The following DUSP28 variants were observed in gnomAD, a reference collection of about 807,000 sequenced individuals.
DUSP28 encodes the protein dual specificity phosphatase 28.
Under a neutral mutation model 8.4 loss-of-function variants are expected in DUSP28, and 11 were observed. The ratio of observed to expected loss-of-function variants is 1.31; its 90% CI spans 0.83 to 2.17. DUSP28 has a LOEUF of 2.17. Among genes scored for constraint, DUSP28 ranks in the 30% most tolerant of loss-of-function variants. DUSP28 has a pLI of 0.00. For synonymous variants in DUSP28, 178 were observed against 130.9 expected (o/e 1.36, Z -2.46); for missense variants, 373 against 270.4 (o/e 1.38, Z -2.66).
rs113245339 is a variant in DUSP28 at position 240,560,549 on chromosome 2, T to C, written c.-136T>C. Reference sequence around the variant, plus strand: ...CCCGCGGGGGACCCAAGCCCCAGCCTGGTCCACCTCGGAGGCCTCTAGGAC... The same window carrying C: ...CCCGCGGGGGACCCAAGCCCCAGCCCGGTCCACCTCGGAGGCCTCTAGGAC... On this transcript the variant is annotated 5_prime_UTR_variant, in exon 1 of 2. Transcript: ENST00000405954. 36 of 1,229,344 alleles carry C rather than the reference T, an allele frequency of 2.9e-5. No homozygotes were observed. The African/African-American group carries it at 4.0e-4, about 14-fold the overall frequency. 76.2% of individuals were successfully genotyped at this position (1,229,344 alleles called of 1,614,324 possible).
intron 1 of DUSP28, 73 bp downstream of exon 1, chr2:240,561,150 C>T (rs920653506): frequency 3.4e-6 from 5 of 1,458,570 alleles, no homozygotes; most frequent in East Asian, 2.5e-5. Flanking sequence ...CGGGCGGGGC[C>T]GGCTTCGGGA....
upstream of DUSP28, chr2:240,560,315 AGACG>A (rs1033258059): frequency 1.7e-5 from 3 of 175,532 alleles, no homozygotes; most frequent in Non-Finnish European, 3.6e-5. Flanking sequence ...CCTCCGCGCC[AGACG>A]CCGCAGTAGA....
Position 240,564,877 on chromosome 2 carries a change from A to C in DUSP28, c.*3410A>C, listed in dbSNP as rs1410195428. The stretch of plus-strand genomic sequence containing the variant: ...AGACGGCCTGGTGAGGGAACCCGGG[A>C]GGCCTCCAGCATCTGCACCCCTCTC... On this transcript the variant is annotated 3_prime_UTR_variant, in exon 2 of 2. Transcript: ENST00000405954. 6.6e-6 allele frequency among the ~76,000 whole-genome samples: 1 copy of C among 152,214 alleles called. No homozygotes were observed. The highest frequency in any genetic ancestry group is 1.5e-5 in the Non-Finnish European group (1 of 68,036).
rs1254962861 is a variant in DUSP28, at chr2:240,565,199, A to G, written c.*3732A>G. ...ACGTAGTCATTGGTTAATATATACA[A>G]CTACGCGTATTTACATTCTGTATGC... is the stretch of plus-strand genomic sequence containing the variant. On this transcript the variant is annotated 3_prime_UTR_variant, in exon 2 of 2. Coordinates refer to ENST00000405954, the MANE Select transcript of DUSP28 (RefSeq NM_001370465.2). Among the ~76,000 whole-genome samples, 2 of 151,624 alleles carry G rather than the reference A, an allele frequency of 1.3e-5. No individual in the cohort carries two copies. The highest frequency in any genetic ancestry group is 1.3e-4 in the Admixed American group (2 of 15,272).
chr2:240,561,484 G>C lies in DUSP28; in HGVS notation c.*17G>C. The C allele has an allele frequency of 1.2e-6, 2 of 1,608,518 alleles. No homozygotes were observed. Among genetic ancestry groups the C allele is most frequent in the Non-Finnish European group, 1.7e-6 (2 of 1,177,834 alleles). ...GAGGCTTGAAGCTTGAAGGCCTGCTGCCTGGAGGAAGGATGTCCCTGCACT... is the reference window on the plus strand; with the variant it reads ...GAGGCTTGAAGCTTGAAGGCCTGCTCCCTGGAGGAAGGATGTCCCTGCACT... On this transcript the variant is annotated 3_prime_UTR_variant, in exon 2 of 2. Coordinates refer to ENST00000405954, the MANE Select transcript of DUSP28 (RefSeq NM_001370465.2).
rs2092905397 is a variant in DUSP28, at chr2:240,560,690, A to G, written c.6A>G (p.Gly2=). Residue 2 remains glycine (G), a synonymous_variant, in exon 1 of 2, where the codon GGA becomes GGG. Transcript: ENST00000405954. The stretch of plus-strand genomic sequence containing the variant: ...CAGACTCTTCGGCGGGCGCCATGGG[A>G]CCGGCAGAAGCTGGGCGCCGCGGGG... M[G]PAEAGRRGAA... The G allele has an allele frequency of 1.3e-6, 2 of 1,523,496 alleles. No individual in the cohort carries two copies. The highest frequency in any genetic ancestry group is 2.4e-5 in the South Asian group (2 of 83,120). The allele number at this position is 1,523,496 out of a possible 1,614,324, so 94.4% of individuals were successfully genotyped here. A position where few individuals can be genotyped will look rare whatever the true frequency, so the allele number is the denominator to read the frequency against.
intron 1 of DUSP28, 94 bp downstream of exon 1, chr2:240,561,171 C>T (rs2092944423): frequency 3.4e-6 from 5 of 1,489,508 alleles, no homozygotes; most frequent in African/African-American, 1.4e-5. Context: ...TTGGGACAGG[C>T]ACTTCCGGGA....
At position 240,560,623 on chromosome 2, in the gene DUSP28, C is replaced by T; in HGVS notation, c.-62C>T. 2 of 1,401,440 alleles carry T rather than the reference C, an allele frequency of 1.4e-6. No individual in the cohort carries two copies. The highest frequency in any genetic ancestry group is 2.3e-4 in the Middle Eastern group (1 of 4,276). The allele number at this position is 1,401,440 out of a possible 1,614,324, so 86.8% of individuals were successfully genotyped here. On this transcript the variant is annotated 5_prime_UTR_variant, in exon 1 of 2. Transcript: ENST00000405954. ...CGGCTCCCACAAATAGACTCCTGGG[C>T]GGGCGCCTGAGCCCCCAAAATAGAT...
At position 240,562,388 on chromosome 2, in the gene DUSP28, C is replaced by T. The variant is rs2092979085; in HGVS notation, c.*921C>T. On this transcript the variant is annotated 3_prime_UTR_variant, in exon 2 of 2. Transcript: ENST00000405954. ...GGCGTGAGCCACCGTGCCCAGCCTC[C>T]TTTTTCTATTACTAGAGAACTCCAG... The T allele has an allele frequency of 6.6e-6, 1 of 152,234 alleles. No homozygotes were observed. The highest frequency in any genetic ancestry group is 2.4e-5 in the African/African-American group (1 of 41,456). 9.4% of individuals were successfully genotyped at this position (152,234 alleles called of 1,614,324 possible). A position where few individuals can be genotyped will look rare whatever the true frequency, so the allele number is the denominator to read the frequency against.
chr2:240,560,813 G>T lies in DUSP28; in HGVS notation c.129G>T (p.Ala43=). Reference sequence around the variant, plus strand: ...GCGCGGAGGAGCAGCTGGCGCGCGCGGGAGTCACGCTGTGCGTCAACGTCT... The same window carrying T: ...GCGCGGAGGAGCAGCTGGCGCGCGCTGGAGTCACGCTGTGCGTCAACGTCT... ...AAGAEEQLAR[A]GVTLCVNVSR... The change falls in exon 1 of 2, where the codon GCG becomes GCT. Residue 43 remains alanine (A), a synonymous_variant. Coordinates refer to ENST00000405954, the MANE Select transcript of DUSP28 (RefSeq NM_001370465.2). 6.9e-7 allele frequency: 1 copy of T among 1,439,294 alleles called. No homozygotes were observed. The highest frequency in any genetic ancestry group is 1.4e-5 in the South Asian group (1 of 71,626). 89.2% of individuals were successfully genotyped at this position (1,439,294 alleles called of 1,614,324 possible). A position where few individuals can be genotyped will look rare whatever the true frequency, so the allele number is the denominator to read the frequency against.
rs780786898 is a variant in DUSP28, at chr2:240,561,411, G to A, written c.475G>A (p.Ala159Thr). 1 of 1,613,702 alleles carries A rather than the reference G, an allele frequency of 6.2e-7. No individual in the cohort carries two copies. The highest frequency in any genetic ancestry group is 1.7e-5 in the Admixed American group (1 of 60,030). The change falls in exon 2 of 2, where the codon GCC (alanine) becomes ACC (threonine). Residue 159 changes from alanine to threonine, a missense_variant. Ala to Thr is a moderately conservative substitution (Grantham distance 58). Transcript: ENST00000405954. ...QLQKYEEALQ[A>T]QSCLQGEPPA... ...CCAGAAGTATGAGGAGGCCCTCCAG[G>A]CCCAGTCCTGCCTGCAGGGAGAGCC...
chr2:240,560,148 G>C (rs1436454845), upstream of DUSP28: 1 of 152,620 alleles, frequency 6.6e-6, no homozygotes, highest in Non-Finnish European at 1.5e-5. Context: ...TACAAAGCGG[G>C]CCACAAAAAG....
chr2:240,560,752 C>T lies in DUSP28; in HGVS notation c.68C>T (p.Ala23Val), dbSNP rs1477182102. The T allele has an allele frequency of 8.0e-6, 12 of 1,500,648 alleles. No individual in the cohort carries two copies. The South Asian group carries it at 1.2e-4, about 16-fold the overall frequency. The allele number at this position is 1,500,648 out of a possible 1,614,324, so 93.0% of individuals were successfully genotyped here. A position where few individuals can be genotyped will look rare whatever the true frequency, so the allele number is the denominator to read the frequency against. Reference protein sequence around the residue: ...SPVPPPLVRVAPSLFLGSARA... With the variant: ...SPVPPPLVRVVPSLFLGSARA... ...GTACCTCCACCGTTGGTGCGCGTCG[C>T]GCCCTCACTCTTCCTCGGGAGCGCG... is the stretch of plus-strand genomic sequence containing the variant. The change falls in exon 1 of 2, where the codon GCG (alanine) becomes GTG (valine). Residue 23 changes from alanine to valine, a missense_variant. Ala to Val is a moderately conservative substitution (Grantham distance 64). Coordinates refer to ENST00000405954, the MANE Select transcript of DUSP28 (RefSeq NM_001370465.2).
chr2:240,560,249 A>T (rs191977005), upstream of DUSP28: 271 of 158,100 alleles, frequency 1.7e-3, 2 homozygotes, highest in African/African-American at 6.3e-3. Flanking sequence ...CCGGGTAGCC[A>T]CGGGGCCCTA....
At position 240,560,998 on chromosome 2, in the gene DUSP28, A is replaced by T; in HGVS notation, c.314A>T (p.Asn105Ile). ...GGCGCCTGCCTAGTCTACTGCAAGA[A>T]CGGCCGCAGCCGCTCGGCCGCCGTC... Reference protein sequence around the residue: ...AGGACLVYCKNGRSRSAAVCT... With the variant: ...AGGACLVYCKIGRSRSAAVCT... The change falls in exon 1 of 2, where the codon AAC (asparagine) becomes ATC (isoleucine). Residue 105 changes from asparagine to isoleucine, a missense_variant. By Grantham distance (149) the Asn-to-Ile change is moderately radical. Transcript: ENST00000405954. 6.5e-7 allele frequency: 1 copy of T among 1,541,716 alleles called. No homozygotes were observed. The highest frequency in any genetic ancestry group is 8.6e-7 in the Non-Finnish European group (1 of 1,156,218).
In DUSP28 at chr2:240,561,777, G is replaced by A; in HGVS notation, c.*310G>A. On this transcript the variant is annotated 3_prime_UTR_variant, in exon 2 of 2. Transcript: ENST00000405954. ...TTCTACCAGTCTCAGGGAAGGACAT[G>A]AGTACAGACTACAGTAATCAGAATC... The A allele has an allele frequency of 2.9e-6, 1 of 341,934 alleles. No homozygotes were observed. Among genetic ancestry groups the A allele is most frequent in the Middle Eastern group, 8.0e-4 (1 of 1,248 alleles). The allele number at this position is 341,934 out of a possible 1,614,324, so 21.2% of individuals were successfully genotyped here.
intron 1 of DUSP28, 22 bp downstream of exon 1, chr2:240,561,099 C>A (rs902421764): frequency 1.4e-6 from 2 of 1,463,264 alleles, no homozygotes; most frequent in Middle Eastern, 2.5e-4. Flanking sequence ...TTTAGGGGGG[C>A]GGTGTTTCGA....
upstream of DUSP28, chr2:240,560,126 A>C (rs937249686): frequency 6.6e-6 from 1 of 152,500 alleles, no homozygotes; most frequent in African/African-American, 2.4e-5. Flanking sequence ...ACATAGAAAA[A>C]AATGCACCAA....
rs1209709198 is a variant in DUSP28 at position 240,560,867 on chromosome 2, C to T, written c.183C>T (p.Pro61=). ...GCCAGCAGCCCGGCCCGCGCGCGCC[C>T]GGCGTGGCAGAGCTGCGCGTGCCCG... The part of the protein sequence containing the change: ...VSRQQPGPRA[P]GVAELRVPVF... Residue 61 remains proline (P), a synonymous_variant, in exon 1 of 2, where the codon CCC becomes CCT. Coordinates refer to ENST00000405954, the MANE Select transcript of DUSP28 (RefSeq NM_001370465.2). 5 of 1,372,962 alleles carry T rather than the reference C, an allele frequency of 3.6e-6. No individual in the cohort carries two copies. The highest frequency in any genetic ancestry group is 3.8e-6 in the Non-Finnish European group (4 of 1,056,088). 85.0% of individuals were successfully genotyped at this position (1,372,962 alleles called of 1,614,324 possible).
Sources: gnomAD v4.1 joint callset for allele counts (sites outside exome capture counted in the v4.1 genomes callset) on GRCh38, gnomAD v4.1.1 for gene constraint, MANE v1.5 for transcripts, NCBI Gene and HGNC (gene_info 2026-07-23, HGNC 2026-07-21) for gene names.